Variants in CDK13 observed in about 807,000 individuals in gnomAD.
CDK13 encodes the protein cyclin dependent kinase 13.
Under a neutral mutation model 137.6 loss-of-function variants are expected in CDK13, and 40 were observed. The ratio of observed to expected loss-of-function variants is 0.29; its 90% CI spans 0.23 to 0.38. The LOEUF is 0.38. Ranked by LOEUF, CDK13 falls within the 10% of genes least tolerant of loss-of-function variation. The pLI, the probability that CDK13 is intolerant of heterozygous loss-of-function variation, is 1.00. For synonymous variants in CDK13, 869 were observed against 760.1 expected (o/e 1.14, Z -2.36); for missense variants, 1,704 against 1,951.8 (o/e 0.87, Z 2.39).
chr7:40,080,028 C>T (rs1206583599), intron 11 of CDK13, among the ~76,000 whole-genome samples: 1 of 152,148 alleles, frequency 6.6e-6, no homozygotes, highest in Non-Finnish European at 1.5e-5. Context: ...CACTCTGTCT[C>T]CCAGGCTGGG....
At chr7:40,036,869 T>A (rs377745857) in intron 5 of CDK13, among the ~76,000 whole-genome samples, 1 of 152,174 alleles carries the variant, frequency 6.6e-6, no homozygotes, top group South Asian at 2.1e-4. Flanking sequence ...TAATTTTATG[T>A]CATCTAATGA....
At chr7:40,058,024 G>T (rs552531726) in intron 7 of CDK13, among the ~76,000 whole-genome samples, 5 of 152,260 alleles carry the variant, frequency 3.3e-5, no homozygotes, top group African/African-American at 1.2e-4. Context: ...CGACTATAGT[G>T]TCAAAGTAGG....
In CDK13 at chr7:39,999,243, T is replaced by C. The variant is rs975104491; in HGVS notation, c.2043-118T>C. 3.1e-5 allele frequency: 24 copies of C among 774,984 alleles called. No homozygotes were observed. The African/African-American group carries it at 3.7e-4, about 12-fold the overall frequency. The allele number at this position is 774,984 out of a possible 1,614,324, so 48.0% of individuals were successfully genotyped here. A position where few individuals can be genotyped will look rare whatever the true frequency, so the allele number is the denominator to read the frequency against. Reference sequence around the variant, plus strand: ...GTTTGGGATAGATGATGATAAATACTGCAAGGGTAGGGAAAAATAAAGAAT... The same window carrying C: ...GTTTGGGATAGATGATGATAAATACCGCAAGGGTAGGGAAAAATAAAGAAT... On this transcript the variant is annotated intron_variant, in intron 3 of 13. Coordinates refer to ENST00000181839, the MANE Select transcript of CDK13 (RefSeq NM_003718.5).
intron 5 of CDK13, among the ~76,000 whole-genome samples, chr7:40,035,353 C>CT (rs1184213724): frequency 6.6e-6 from 1 of 152,096 alleles, no homozygotes; most frequent in African/African-American, 2.4e-5. Flanking sequence ...AGGTACTGGT[C>CT]TGTGGCTGGT....
intron 11 of CDK13, among the ~76,000 whole-genome samples, chr7:40,084,135 G>A (rs907108006): frequency 1.1e-4 from 16 of 152,116 alleles, no homozygotes; most frequent in African/African-American, 3.4e-4. Context: ...ACTTGAGGCC[G>A]GGAGTTCAAG....
At chr7:40,052,456 T>C (rs1489652972) in intron 7 of CDK13, among the ~76,000 whole-genome samples, 1 of 152,156 alleles carries the variant, frequency 6.6e-6, no homozygotes, top group East Asian at 1.9e-4. Flanking sequence ...GGATTACAGG[T>C]GTGAGCCACT....
intron 7 of CDK13, among the ~76,000 whole-genome samples, chr7:40,053,466 C>G (rs866017655): frequency 6.6e-6 from 1 of 152,178 alleles, no homozygotes. Flanking sequence ...ATTCCAGCCC[C>G]CCTGATAATA....
chr7:40,017,820 T>TA (rs1200720166), intron 5 of CDK13, among the ~76,000 whole-genome samples: 4 of 151,838 alleles, frequency 2.6e-5, no homozygotes, highest in East Asian at 1.9e-4. Flanking sequence ...TTTTTTATAT[T>TA]AAAAAAAATT....
Position 39,962,439 on chromosome 7 carries a change from G to A in CDK13, c.1211+10587G>A, listed in dbSNP as rs184599566. On this transcript the variant is annotated intron_variant, in intron 1 of 13. Coordinates refer to ENST00000181839, the MANE Select transcript of CDK13 (RefSeq NM_003718.5). ...TTTGGCTGCATAAATGTCTTCTTTC[G>A]AGAAGTGTCTGTTCATATCCTTCGC... Among the ~76,000 whole-genome samples the A allele has an allele frequency of 4.6e-5, 7 of 152,276 alleles. No individual in the cohort carries two copies. In the East Asian group the frequency reaches 1.3e-3, roughly 29 times the overall value.
intron 1 of CDK13, among the ~76,000 whole-genome samples, chr7:39,957,101 G>GTA (rs1787431265): frequency 6.6e-6 from 1 of 150,418 alleles, no homozygotes; most frequent in Non-Finnish European, 1.5e-5. Context: ...GTGTGTGTGT[G>GTA]TGTGTGTGTG....
chr7:40,085,180 G>A (rs1786761150), intron 11 of CDK13, among the ~76,000 whole-genome samples: 1 of 152,048 alleles, frequency 6.6e-6, no homozygotes, highest in Non-Finnish European at 1.5e-5. Context: ...GGTCAACATG[G>A]GGAAACCCCG....
At chr7:39,984,541 A>C (rs1235002397) in intron 1 of CDK13, 1 of 152,124 alleles carries the variant, frequency 6.6e-6, no homozygotes, top group African/African-American at 2.4e-5. Context: ...AGATATTTTG[A>C]TACAGGCATG....
intron 11 of CDK13, among the ~76,000 whole-genome samples, chr7:40,082,675 C>G (rs2150539379): frequency 6.6e-6 from 1 of 151,280 alleles, no homozygotes; most frequent in South Asian, 2.1e-4. Context: ...CCTGTAATCC[C>G]AGCTACTCAG....
Position 40,062,853 on chromosome 7 carries a change from T to C in CDK13, c.2628T>C (p.Thr876=). The change falls in exon 8 of 14, where the codon ACT becomes ACC. Residue 876 remains threonine, a synonymous_variant. Transcript: ENST00000181839. The stretch of plus-strand genomic sequence containing the variant: ...GGCCGTATACTAACAAGGTAATTAC[T>C]TTATGGTACCGTCCACCTGAACTGC... ...ESRPYTNKVI[T]LWYRPPELLL... The C allele has an allele frequency of 3.1e-6, 5 of 1,613,778 alleles. No homozygotes were observed. Among genetic ancestry groups the C allele is most frequent in the Non-Finnish European group, 4.2e-6 (5 of 1,179,694 alleles).
chr7:40,003,202 A>ACTCTCTCTCTCTCTCTCTCT (rs1334115140), intron 5 of CDK13, among the ~76,000 whole-genome samples: 1 of 80,970 alleles, frequency 1.2e-5, no homozygotes, highest in African/African-American at 4.5e-5. Context: ...ACACACACAC[A>ACTCTCTCTCTCTCTCTCTCT]CACACTCTCT....
At chr7:40,065,889 A>G (rs1786269139) in intron 9 of CDK13, among the ~76,000 whole-genome samples, 1 of 152,204 alleles carries the variant, frequency 6.6e-6, no homozygotes, top group South Asian at 2.1e-4. Flanking sequence ...ATGAAAAGAG[A>G]GTATAAAGAA....
intron 11 of CDK13, among the ~76,000 whole-genome samples, chr7:40,084,608 A>G (rs1305804544): frequency 6.6e-6 from 1 of 152,246 alleles, no homozygotes; most frequent in African/African-American, 2.4e-5. Flanking sequence ...ACAGCAAGTA[A>G]AAAGCATTAA....
At chr7:40,010,295 C>T (rs1784869056) in intron 5 of CDK13, among the ~76,000 whole-genome samples, 1 of 152,082 alleles carries the variant, frequency 6.6e-6, no homozygotes, top group Non-Finnish European at 1.5e-5. Flanking sequence ...ACAGTTCATA[C>T]TAGAGTTTGT....
intron 1 of CDK13, among the ~76,000 whole-genome samples, chr7:39,964,110 G>C: frequency 6.6e-6 from 1 of 152,138 alleles, no homozygotes; most frequent in Non-Finnish European, 1.5e-5. Context: ...CCTGGCTTTG[G>C]TATCAGGATG....
Sources: allele counts gnomAD v4.1 joint callset (sites outside exome capture counted in the v4.1 genomes callset), GRCh38; gene constraint gnomAD v4.1.1; transcripts MANE v1.5; gene names NCBI Gene and HGNC (gene_info 2026-07-23, HGNC 2026-07-21).